RREB1: variants seen among roughly 807,000 people sequenced by gnomAD.
The protein encoded by RREB1 is ras-responsive element-binding protein 1.
In RREB1, 27 loss-of-function variants were observed where a neutral mutation model predicts 117.8. The observed-to-expected ratio is 0.23, with a 90% CI of 0.17 to 0.32. The LOEUF is 0.32. Ranked by LOEUF, RREB1 falls within the 10% of genes least tolerant of loss-of-function variation. The pLI, the probability that RREB1 is intolerant of heterozygous loss-of-function variation, is 1.00. For synonymous variants in RREB1, 1,298 were observed against 1,026.7 expected (o/e 1.26, Z -5.05); for missense variants, 2,577 against 2,378.2 (o/e 1.08, Z -1.74).
chr6:7,242,881 A>C (rs1365814613), intron 11 of RREB1, among the ~76,000 whole-genome samples: 3 of 152,138 alleles, frequency 2.0e-5, no homozygotes, highest in Non-Finnish European at 4.4e-5. Flanking sequence ...TTCTCCCTTA[A>C]AGGTCCATTT....
chr6:7,178,746 AT>A (rs893002798), intron 2 of RREB1, among the ~76,000 whole-genome samples: 24 of 151,104 alleles, frequency 1.6e-4, no homozygotes, highest in East Asian at 5.8e-4. Context: ...ATGAGTCTCT[AT>A]TTTTTTTTAA....
rs1038855191 is a variant in RREB1 at position 7,243,752 on chromosome 6, C to T, written c.3974-2672C>T. ...CTCCGGGTGATCTCTCTCCATTATC[C>T]GCGCAAAGGAAGGGCCCGAGAGCAG... On this transcript the variant is annotated intron_variant, in intron 11 of 12. Coordinates refer to ENST00000379938, the MANE Select transcript of RREB1 (RefSeq NM_001003699.4). 6.6e-5 allele frequency among the ~76,000 whole-genome samples: 10 copies of T among 152,214 alleles called. No individual in the cohort carries two copies. The South Asian group carries it at 1.5e-3, about 22-fold the overall frequency.
chr6:7,142,145 G>T (rs1173506983), intron 1 of RREB1, among the ~76,000 whole-genome samples: 1 of 152,054 alleles, frequency 6.6e-6, no homozygotes, highest in Non-Finnish European at 1.5e-5. Flanking sequence ...AACTTGGGAG[G>T]TGGAGGTTGC....
chr6:7,192,254 G>A (rs992231195), intron 6 of RREB1, among the ~76,000 whole-genome samples: 1 of 151,280 alleles, frequency 6.6e-6, no homozygotes, highest in Non-Finnish European at 1.5e-5. Context: ...GTGCAGTGGC[G>A]TGATCTCGGC....
Position 7,230,450 on chromosome 6 carries a change from A to G in RREB1, c.2351A>G (p.His784Arg). The G allele has an allele frequency of 6.3e-7, 1 of 1,592,514 alleles. No homozygotes were observed. The highest frequency in any genetic ancestry group is 8.5e-7 in the Non-Finnish European group (1 of 1,175,912). The change falls in exon 10 of 13, where the codon CAC (histidine) becomes CGC (arginine). Residue 784 changes from histidine (H) to arginine (R), a missense_variant. His to Arg is a conservative substitution (Grantham distance 29, BLOSUM62 0). Coordinates refer to ENST00000379938, the MANE Select transcript of RREB1 (RefSeq NM_001003699.4). ...TGCGGCCGCGGCCTGGGCGGGGGCC[A>G]CAAGGGCCGCAAGCCCTTCGAGTGC... ...THCGRGLGGGHKGRKPFECKE... is the reference protein window; with the variant it reads ...THCGRGLGGGRKGRKPFECKE...
intron 4 of RREB1, 26 bp downstream of exon 4, chr6:7,182,108 C>T: frequency 6.2e-7 from 1 of 1,600,912 alleles, no homozygotes; most frequent in Non-Finnish European, 8.6e-7. Flanking sequence ...TAGTGGTGAC[C>T]TCTGGTGGGT....
chr6:7,151,278 G>T (rs1763111046), intron 1 of RREB1, among the ~76,000 whole-genome samples: 3 of 152,192 alleles, frequency 2.0e-5, no homozygotes, highest in African/African-American at 7.2e-5. Flanking sequence ...GAGGCCCAAA[G>T]AGAAGAATTT....
Position 7,175,727 on chromosome 6 carries a change from AC to A in RREB1, c.-284-924del, listed in dbSNP as rs1430422359. On this transcript the variant is annotated intron_variant, in intron 1 of 12. Coordinates refer to ENST00000379938, the MANE Select transcript of RREB1 (RefSeq NM_001003699.4). Reference sequence around the variant, plus strand: ...AGCACAGGGCTTTGAAGCCCTTGACACCCCAGAGCAGACTTGCTCAAACTTT... The same window carrying A: ...AGCACAGGGCTTTGAAGCCCTTGACACCCAGAGCAGACTTGCTCAAACTTT... Among the ~76,000 whole-genome samples the A allele has an allele frequency of 5.3e-5, 8 of 152,186 alleles. No individual in the cohort carries two copies. The East Asian group carries it at 5.8e-4, about 11-fold the overall frequency.
intron 1 of RREB1, among the ~76,000 whole-genome samples, chr6:7,147,459 A>C (rs1463548283): frequency 6.6e-6 from 1 of 151,836 alleles, no homozygotes; most frequent in African/African-American, 2.4e-5. Flanking sequence ...TGTGTAGATA[A>C]CCTTTGAGGA....
chr6:7,206,769 G>T (rs574590654), intron 6 of RREB1, among the ~76,000 whole-genome samples: 4 of 152,318 alleles, frequency 2.6e-5, no homozygotes, highest in Admixed American at 2.0e-4. Context: ...AACCTGGACG[G>T]CAGGAGCCAG....
rs1041510119 is a variant in RREB1 at position 7,242,702 on chromosome 6, G to GGC, written c.3973+2101_3973+2102insCG. 2.7e-5 allele frequency among the ~76,000 whole-genome samples: 4 copies of GGC among 145,548 alleles called. No individual in the cohort carries two copies. In the East Asian group the frequency reaches 5.9e-4, roughly 21 times the overall value. On this transcript the variant is annotated intron_variant, in intron 11 of 12. Transcript: ENST00000379938. ...TGAAGGAAGACCACTTAAAAAAAAGGGGGGGGGGGAAGGAAATGACCAAGG... is the reference window on the plus strand; with the variant it reads ...TGAAGGAAGACCACTTAAAAAAAAGGGCGGGGGGGGGAAGGAAATGACCAAGG...
rs759216297 is a variant in RREB1 at position 7,246,528 on chromosome 6, G to T, written c.4078G>T (p.Val1360Phe). 8 of 1,547,144 alleles carry T rather than the reference G, an allele frequency of 5.2e-6. No individual in the cohort carries two copies. In the African/African-American group the frequency reaches 9.6e-5, roughly 18 times the overall value. ...PSEGATELRQ[V>F]AGDAPVEQAT... is the part of the protein sequence containing the mutation. ...GGAGGGCGCCACTGAGCTCCGCCAGGTCGCAGGGGATGCGCCTGTGGAGCA... is the reference window on the plus strand; with the variant it reads ...GGAGGGCGCCACTGAGCTCCGCCAGTTCGCAGGGGATGCGCCTGTGGAGCA... Residue 1360 changes from valine (V) to phenylalanine (F), a missense_variant, in exon 12 of 13, where the codon GTC becomes TTC. By Grantham distance (50) the Val-to-Phe change is conservative. Transcript: ENST00000379938.
At chr6:7,149,846 G>A (rs957651047) in intron 1 of RREB1, among the ~76,000 whole-genome samples, 8 of 151,986 alleles carry the variant, frequency 5.3e-5, no homozygotes, top group South Asian at 2.1e-4. Flanking sequence ...GCACCACCAC[G>A]CCTGGCTAAT....
In RREB1 at chr6:7,211,665, T is replaced by C. The variant is rs549624914; in HGVS notation, c.663T>C (p.Tyr221=). The change falls in exon 8 of 13, where the codon TAT becomes TAC. Residue 221 remains tyrosine (Y), a synonymous_variant. Coordinates refer to ENST00000379938, the MANE Select transcript of RREB1 (RefSeq NM_001003699.4). Reference sequence around the variant, plus strand: ...GTTTCAAGGAGTTTGTTTGCAAGTATGGACTGGAGACCCACATGGAGACCC... The same window carrying C: ...GTTTCAAGGAGTTTGTTTGCAAGTACGGACTGGAGACCCACATGGAGACCC... ...PVCFKEFVCK[Y]GLETHMETHS... 6 of 1,614,126 alleles carry C rather than the reference T, an allele frequency of 3.7e-6. No individual in the cohort carries two copies. In the African/African-American group the frequency reaches 4.0e-5, roughly 11 times the overall value.
chr6:7,246,770 C>G lies in RREB1; in HGVS notation c.4320C>G (p.Gly1440=). Residue 1440 remains glycine, a synonymous_variant, in exon 12 of 13, where the codon GGC becomes GGG. Transcript: ENST00000379938. ...AEGDGEAGAG[G]AASQEQKLAC... is the part of the protein sequence containing the mutation. ...GCGACGGCGAGGCAGGCGCCGGGGG[C>G]GCGGCCTCGCAGGAGCAGAAGCTCG... 6.4e-7 allele frequency: 1 copy of G among 1,553,932 alleles called. No individual in the cohort carries two copies. Among genetic ancestry groups the G allele is most frequent in the East Asian group, 2.4e-5 (1 of 41,454 alleles).
chr6:7,193,675 A>G (rs1765524455), intron 6 of RREB1, among the ~76,000 whole-genome samples: 1 of 152,194 alleles, frequency 6.6e-6, no homozygotes, highest in African/African-American at 2.4e-5. Flanking sequence ...ACACAGATGC[A>G]GGTCTACACA....
intron 8 of RREB1, chr6:7,215,297 T>C (rs771747924): frequency 6.6e-6 from 1 of 152,262 alleles, no homozygotes; most frequent in African/African-American, 2.4e-5. Context: ...CAAGAGAATC[T>C]GGGCCACGCA....
In RREB1 at chr6:7,180,122, C is replaced by T. The variant is rs116899543; in HGVS notation, c.-165-1002C>T. Among the ~76,000 whole-genome samples, 56 of 152,258 alleles carry T rather than the reference C, an allele frequency of 3.7e-4. No individual in the cohort carries two copies. In the East Asian group the frequency reaches 6.2e-3, roughly 17 times the overall value. ...CATAGTCTCAAATTGTATGTTTCTG[C>T]GGTTAGTCCTTTTACCTACCAGTTG... On this transcript the variant is annotated intron_variant, in intron 2 of 12. Transcript: ENST00000379938.
intron 1 of RREB1, among the ~76,000 whole-genome samples, chr6:7,120,434 A>G (rs1761625983): frequency 6.6e-6 from 1 of 152,178 alleles, no homozygotes; most frequent in African/African-American, 2.4e-5. Flanking sequence ...AGCCTGAGCA[A>G]CAGGGTGAGA....
Sources: gnomAD v4.1 joint callset for allele counts (sites outside exome capture counted in the v4.1 genomes callset) on GRCh38, gnomAD v4.1.1 for gene constraint, MANE v1.5 for transcripts, NCBI Gene and HGNC (gene_info 2026-07-23, HGNC 2026-07-21) for gene names.